Variants in RAB5A observed in about 807,000 individuals in gnomAD.
RAB5A encodes the protein ras-related protein Rab-5A.
RAB5A carries 8 observed loss-of-function variants against 25.7 expected under a neutral mutation model. The ratio of observed to expected loss-of-function variants is 0.31; its 90% confidence interval spans 0.18 to 0.56. The LOEUF is 0.56. Ranked by LOEUF, RAB5A falls within the 20% of genes least tolerant of loss-of-function variation. The pLI is 0.91. For missense variants in RAB5A, 192 were observed against 259.7 expected, an observed-to-expected ratio of 0.74 and a Z score of 1.79; for synonymous variants, 98 against 89.8, an observed-to-expected ratio of 1.09 and a Z score of -0.52.
At chr3:19,972,598 T>G (rs907783987) in intron 2 of RAB5A, among the ~76,000 whole-genome samples, 1 of 152,210 alleles carries the variant, frequency 6.6e-6, no homozygotes, top group Non-Finnish European at 1.5e-5. Flanking sequence ...ATGCCCTGTT[T>G]TGCCATAAGG....
chr3:19,970,420 T>C (rs1019190086), intron 2 of RAB5A: 2 of 387,084 alleles, frequency 5.2e-6, no homozygotes, highest in African/African-American at 2.1e-5. Flanking sequence ...GAGGCTGAAA[T>C]GTTACTTGCT....
chr3:19,962,946 G>T (rs572111661), intron 2 of RAB5A, among the ~76,000 whole-genome samples: 217 of 152,090 alleles, frequency 1.4e-3, no homozygotes, highest in African/African-American at 4.9e-3. Flanking sequence ...CCAAATAGCT[G>T]GGACTACAGG....
intron 2 of RAB5A, among the ~76,000 whole-genome samples, chr3:19,958,987 G>A (rs563516270): frequency 4.6e-4 from 70 of 152,192 alleles, no homozygotes; most frequent in African/African-American, 1.6e-3. Context: ...TATAAACTGT[G>A]TACTCTTCTC....
intron 5 of RAB5A, chr3:19,979,034 T>C (rs1473535995): frequency 6.6e-6 from 1 of 152,062 alleles, no homozygotes; most frequent in Non-Finnish European, 1.5e-5. Flanking sequence ...TGGAGTGCAA[T>C]GGTACGATCT....
In RAB5A at chr3:19,984,353, C is replaced by A; in HGVS notation, c.*530C>A. The A allele has an allele frequency of 2.6e-6, 1 of 385,370 alleles. No individual in the cohort carries two copies. The highest frequency in any genetic ancestry group is 5.1e-6 in the Non-Finnish European group (1 of 197,636). 23.9% of individuals were successfully genotyped at this position (385,370 alleles called of 1,614,324 possible). The stretch of plus-strand genomic sequence containing the variant: ...TAAATTAACCACAAGAAAATAATCC[C>A]ACATATACAAGGTCAGGGGTGGGGA... On this transcript the variant is annotated 3_prime_UTR_variant, in exon 6 of 6. Transcript: ENST00000273047.
At chr3:19,975,794 C>A (rs777972248) in intron 3 of RAB5A, 42 bp downstream of exon 3, 16 of 1,539,832 alleles carry the variant, frequency 1.0e-5, no homozygotes, top group African/African-American at 2.8e-5. Context: ...ATTTGAGTAC[C>A]CACTTTTGGT....
At chr3:19,982,288 C>T (rs185125513) in intron 5 of RAB5A, among the ~76,000 whole-genome samples, 2 of 152,096 alleles carry the variant, frequency 1.3e-5, no homozygotes, top group Admixed American at 6.5e-5. Context: ...AAGATCACAA[C>T]GAAGTGTTGA....
chr3:19,969,304 A>G (rs1026618786), intron 2 of RAB5A, among the ~76,000 whole-genome samples: 2 of 151,880 alleles, frequency 1.3e-5, no homozygotes, highest in South Asian at 4.1e-4. Context: ...TCGGCCTCCT[A>G]AAGTGCTGGG....
intron 4 of RAB5A, 23 bp from the exon 5 acceptor site, chr3:19,978,287 C>T (rs774829770): frequency 6.7e-7 from 1 of 1,490,624 alleles, no homozygotes; most frequent in Admixed American, 1.7e-5. Context: ...TCTCATATAT[C>T]TCATTTTTTG....
intron 2 of RAB5A, among the ~76,000 whole-genome samples, chr3:19,969,686 G>C (rs1473904879): frequency 6.6e-6 from 1 of 152,158 alleles, no homozygotes; most frequent in Non-Finnish European, 1.5e-5. Flanking sequence ...ATTCTTTCCT[G>C]TCAATTTTGA....
intron 2 of RAB5A, among the ~76,000 whole-genome samples, chr3:19,957,846 T>G (rs974918855): frequency 2.0e-5 from 3 of 152,224 alleles, no homozygotes; most frequent in East Asian, 3.8e-4. Context: ...ATGTATATAT[T>G]GTAAATACAT....
At chr3:19,980,915 A>C (rs866077168) in intron 5 of RAB5A, among the ~76,000 whole-genome samples, 3 of 152,216 alleles carry the variant, frequency 2.0e-5, no homozygotes. Flanking sequence ...ATGCTGATGT[A>C]GAATGGAATG....
intron 2 of RAB5A, among the ~76,000 whole-genome samples, chr3:19,970,091 G>A (rs892529527): frequency 5.5e-5 from 8 of 145,732 alleles, no homozygotes; most frequent in African/African-American, 2.0e-4. Flanking sequence ...TAGTAGAGAC[G>A]GGTTTTCACC....
intron 2 of RAB5A, among the ~76,000 whole-genome samples, chr3:19,963,201 T>C (rs909180916): frequency 6.6e-6 from 1 of 152,220 alleles, no homozygotes; most frequent in African/African-American, 2.4e-5. Context: ...CCATTTGATT[T>C]ATTAATGGTA....
At chr3:19,969,044 GGTTT>G (rs1559490146) in intron 2 of RAB5A, among the ~76,000 whole-genome samples, 1 of 65,554 alleles carries the variant, frequency 1.5e-5, no homozygotes, top group African/African-American at 8.3e-5. Flanking sequence ...TTTTTTTTTT[GGTTT>G]TTTTTTTTTT....
intron 2 of RAB5A, among the ~76,000 whole-genome samples, chr3:19,974,015 G>A (rs542825334): frequency 1.3e-5 from 2 of 152,244 alleles, no homozygotes; most frequent in African/African-American, 4.8e-5. Flanking sequence ...TGGAAATAGG[G>A]CTTGAATATC....
chr3:19,978,415 ATC>A lies in RAB5A; in HGVS notation c.532+16_532+17del, dbSNP rs1696860175. 1 of 1,532,450 alleles carries A rather than the reference ATC, an allele frequency of 6.5e-7. No homozygotes were observed. Among genetic ancestry groups the A allele is most frequent in the Non-Finnish European group, 9.0e-7 (1 of 1,109,086 alleles). 94.9% of individuals were successfully genotyped at this position (1,532,450 alleles called of 1,614,324 possible). A position where few individuals can be genotyped will look rare whatever the true frequency, so the allele number is the denominator to read the frequency against. On this transcript the variant is annotated intron_variant, in intron 5 of 5. Transcript: ENST00000273047. ...ATTCATGGCAATAGGTAAGATTAAT[ATC>A]TCTTTTTAAATGATCAATATAAGCA...
chr3:19,950,916 A>G lies in RAB5A; in HGVS notation c.18A>G (p.Ala6=). 1 of 1,612,844 alleles carries G rather than the reference A, an allele frequency of 6.2e-7. No homozygotes were observed. Among genetic ancestry groups the G allele is most frequent in the Non-Finnish European group, 8.5e-7 (1 of 1,179,538 alleles). Residue 6 remains alanine, a synonymous_variant, in exon 2 of 6, where the codon GCA becomes GCG. Coordinates refer to ENST00000273047, the MANE Select transcript of RAB5A (RefSeq NM_004162.5). MASRG[A]TRPNGPNTGN... ...ATTTGGACATGGCTAGTCGAGGCGCAACAAGACCCAACGGGCCAAATACGG... is the reference window on the plus strand; with the variant it reads ...ATTTGGACATGGCTAGTCGAGGCGCGACAAGACCCAACGGGCCAAATACGG...
In RAB5A at chr3:19,975,632, T is replaced by C; in HGVS notation, c.195T>C (p.Asp65=). Residue 65 remains aspartate, a synonymous_variant, in exon 3 of 6, where the codon GAT becomes GAC. Coordinates refer to ENST00000273047, the MANE Select transcript of RAB5A (RefSeq NM_004162.5). ...TTCTAACCCAAACTGTATGTCTTGA[T>C]GACACTACAGTAAAGTTTGAAATAT... ...AAFLTQTVCL[D]DTTVKFEIWD... 1 of 1,613,980 alleles carries C rather than the reference T, an allele frequency of 6.2e-7. No individual in the cohort carries two copies. Among genetic ancestry groups the C allele is most frequent in the Non-Finnish European group, 8.5e-7 (1 of 1,179,942 alleles).
Sources: allele counts gnomAD v4.1 joint callset (sites outside exome capture counted in the v4.1 genomes callset), GRCh38; gene constraint gnomAD v4.1.1; transcripts MANE v1.5; gene names NCBI Gene and HGNC (gene_info 2026-07-23, HGNC 2026-07-21).